The following NRXN1 variants were observed in gnomAD, a reference collection of about 807,000 sequenced individuals.
NRXN1 encodes the protein neurexin 1, also known as neurexin-1.
In NRXN1, 39 loss-of-function variants were observed where a neutral mutation model predicts 150.9. That is an observed-to-expected ratio of 0.26 (90% CI 0.20 to 0.34). The LOEUF (loss-of-function observed/expected upper bound fraction) is 0.34. Among genes scored for constraint, NRXN1 ranks in the 10% least tolerant of loss-of-function variants. NRXN1 has a pLI of 1.00. For synonymous variants in NRXN1, 924 were observed against 757.0 expected (o/e 1.22, Z -3.62); for missense variants, 1,815 against 1,949.9 (o/e 0.93, Z 1.30).
intron 5 of NRXN1, among the ~76,000 whole-genome samples, chr2:50,777,176 C>A (rs561505597): frequency 2.0e-5 from 3 of 152,114 alleles, no homozygotes; most frequent in Admixed American, 6.5e-5. Context: ...GCTAGTCTTA[C>A]TAGATTTTAT....
At chr2:49,926,971 C>G (rs987719506) in intron 22 of NRXN1, among the ~76,000 whole-genome samples, 1 of 152,158 alleles carries the variant, frequency 6.6e-6, no homozygotes, top group African/African-American at 2.4e-5. Flanking sequence ...TCCCACTTAC[C>G]CTTCTTTATT....
chr2:50,651,249 C>T (rs1685570187), intron 5 of NRXN1, among the ~76,000 whole-genome samples: 1 of 151,852 alleles, frequency 6.6e-6, no homozygotes. Context: ...ATAGAATACC[C>T]TCTGGCCATC....
chr2:50,091,569 A>G (rs1699583324), intron 18 of NRXN1, 75 bp from the exon 19 acceptor site: 3 of 1,494,746 alleles, frequency 2.0e-6, no homozygotes, highest in Non-Finnish European at 1.9e-6. Context: ...CATACAAGGT[A>G]TTGTTTTAAA....
intron 18 of NRXN1, among the ~76,000 whole-genome samples, chr2:50,209,155 CT>C (rs1185423537): frequency 1.3e-5 from 2 of 152,082 alleles, no homozygotes; most frequent in African/African-American, 2.4e-5. Context: ...GCCTTCACCC[CT>C]GGAGTACTCC....
chr2:50,386,934 G>C lies in NRXN1; in HGVS notation c.3364+78508C>G, dbSNP rs575382503. ...CTATGCCTTATACAATACTCCATGA[G>C]AGCTAATACTATTTTCAATTTATAG... On this transcript the variant is annotated intron_variant, in intron 17 of 22. Transcript: ENST00000401669. Among the ~76,000 whole-genome samples the C allele has an allele frequency of 1.8e-4, 27 of 152,204 alleles. No homozygotes were observed. The South Asian group carries it at 2.1e-3, about 12-fold the overall frequency.
At chr2:50,924,355 T>G (rs373477861) in intron 3 of NRXN1, among the ~76,000 whole-genome samples, 1 of 151,250 alleles carries the variant, frequency 6.6e-6, no homozygotes, top group African/African-American at 2.4e-5. Flanking sequence ...TTACAATAGC[T>G]TATGGGCCTA....
At chr2:50,674,722 G>T (rs1252056161) in intron 5 of NRXN1, among the ~76,000 whole-genome samples, 1 of 152,030 alleles carries the variant, frequency 6.6e-6, no homozygotes, top group Non-Finnish European at 1.5e-5. Context: ...TGACTCCCAG[G>T]TTTTTAGCTT....
intron 5 of NRXN1, among the ~76,000 whole-genome samples, chr2:50,786,497 A>G (rs950184458): frequency 6.6e-6 from 1 of 152,126 alleles, no homozygotes; most frequent in Non-Finnish European, 1.5e-5. Context: ...CATAAATGGA[A>G]CAAATGAAGA....
intron 18 of NRXN1, among the ~76,000 whole-genome samples, chr2:50,098,021 T>G (rs1295253435): frequency 5.9e-5 from 9 of 152,066 alleles, no homozygotes. Context: ...TGGCCTATAA[T>G]GGTAAGAAGT....
chr2:50,993,079 A>G (rs6718913), intron 2 of NRXN1, among the ~76,000 whole-genome samples: 33,670 of 151,852 alleles, frequency 0.22, 4,098 homozygotes, highest in Non-Finnish European at 0.29. Flanking sequence ...ATAATCACAA[A>G]TATATCAACA....
At chr2:50,595,739 C>A (rs921519477) in intron 8 of NRXN1, among the ~76,000 whole-genome samples, 6 of 152,166 alleles carry the variant, frequency 3.9e-5, no homozygotes, top group Admixed American at 2.0e-4. Flanking sequence ...AGGCATAAGT[C>A]TCTCAGGTGT....
In NRXN1 at chr2:49,998,413, A is replaced by G. The variant is rs1683344221; in HGVS notation, c.4129-54622T>C. ...ATGTGTGTAATGAATTCCCTTCAAG[A>G]TAGGGAGGATATAATTTCCCATAAT... On this transcript the variant is annotated intron_variant, in intron 21 of 22. Coordinates refer to ENST00000401669, the MANE Select transcript of NRXN1 (RefSeq NM_001330078.2). Among the ~76,000 whole-genome samples, 4 of 152,312 alleles carry G rather than the reference A, an allele frequency of 2.6e-5. No individual in the cohort carries two copies. The South Asian group carries it at 8.3e-4, about 32-fold the overall frequency.
chr2:50,536,702 A>G (rs777123795), intron 10 of NRXN1, among the ~76,000 whole-genome samples: 21 of 152,338 alleles, frequency 1.4e-4, no homozygotes, highest in Non-Finnish European at 2.5e-4. Context: ...ATCTCATATT[A>G]TGCGTAACTG....
In NRXN1 at chr2:50,662,043, A is replaced by G. The variant is rs557827565; in HGVS notation, c.833-38428T>C. ...ATTGATATTACAATGTACATAGCAT[A>G]TATTTTTCAAGAGTCTGAGGGTACA... is the stretch of plus-strand genomic sequence containing the variant. On this transcript the variant is annotated intron_variant, in intron 5 of 22. Coordinates refer to ENST00000401669, the MANE Select transcript of NRXN1 (RefSeq NM_001330078.2). Among the ~76,000 whole-genome samples the G allele has an allele frequency of 8.2e-4, 125 of 152,178 alleles. 1 individual carries two copies. In the South Asian group the frequency reaches 0.025, roughly 30 times the overall value.
At chr2:50,385,547 AGTGG>A (rs2081278339) in intron 17 of NRXN1, among the ~76,000 whole-genome samples, 1 of 152,202 alleles carries the variant, frequency 6.6e-6, no homozygotes, top group South Asian at 2.1e-4. Flanking sequence ...CAACACTCTC[AGTGG>A]GTAAACCAGG....
At chr2:50,441,299 CT>C (rs1235020180) in intron 17 of NRXN1, among the ~76,000 whole-genome samples, 2 of 151,976 alleles carry the variant, frequency 1.3e-5, no homozygotes, top group Non-Finnish European at 2.9e-5. Flanking sequence ...ATTATTAGTT[CT>C]TTTTTACTTC....
At chr2:50,411,184 G>A (rs985140789) in intron 17 of NRXN1, among the ~76,000 whole-genome samples, 5 of 152,000 alleles carry the variant, frequency 3.3e-5, no homozygotes, top group African/African-American at 1.2e-4. Context: ...GCGCCTCCAC[G>A]CCTGACTGGT....
At chr2:50,784,230 G>C (rs1704770049) in intron 5 of NRXN1, among the ~76,000 whole-genome samples, 1 of 152,018 alleles carries the variant, frequency 6.6e-6, no homozygotes, top group Non-Finnish European at 1.5e-5. Context: ...TAAATGAATC[G>C]AGTCCTTAAG....
At chr2:50,154,903 G>T (rs960216248) in intron 18 of NRXN1, among the ~76,000 whole-genome samples, 1 of 151,496 alleles carries the variant, frequency 6.6e-6, no homozygotes, top group African/African-American at 2.4e-5. Flanking sequence ...GCATTTTAAT[G>T]TATTAAAATT....
Sources: gnomAD v4.1 joint callset for allele counts (sites outside exome capture counted in the v4.1 genomes callset) on GRCh38, gnomAD v4.1.1 for gene constraint, MANE v1.5 for transcripts, NCBI Gene and HGNC (gene_info 2026-07-23, HGNC 2026-07-21) for gene names.